Variants in SIRT3 observed in about 807,000 individuals in gnomAD.
SIRT3 encodes sirtuin 3, also known as NAD-dependent protein deacetylase sirtuin-3, mitochondrial.
A neutral mutation model predicts 33.5 loss-of-function variants in SIRT3; 26 were observed. The ratio of observed to expected loss-of-function variants is 0.78; its 90% CI spans 0.57 to 1.08. The LOEUF (loss-of-function observed/expected upper bound fraction) is 1.08, where lower values mean the gene tolerates loss of function less well. SIRT3 is among the 50% of genes least tolerant of loss of function. SIRT3 has a pLI of 0.00. For synonymous variants in SIRT3, 237 were observed against 222.1 expected, an observed-to-expected ratio of 1.07 and a Z score of -0.60; for missense variants, 585 against 530.1, an observed-to-expected ratio of 1.10 and a Z score of -1.02.
rs79136100 is a variant in SIRT3 at position 219,078 on chromosome 11, A to G, written c.970-37T>C. 1.3e-3 allele frequency: 2,037 copies of G among 1,571,088 alleles called. 29 individuals are homozygous for G. The African/African-American group carries it at 0.025, about 19-fold the overall frequency. On this transcript the variant is annotated intron_variant, in intron 5 of 6. Transcript: ENST00000382743. ...GCCAAACGTGAGGGGCACAGTGTCCACTTTACAAGCTCCTCAGGATGTTTC... is the reference window on the plus strand; with the variant it reads ...GCCAAACGTGAGGGGCACAGTGTCCGCTTTACAAGCTCCTCAGGATGTTTC...
At position 218,844 on chromosome 11, in the gene SIRT3, C is replaced by T; in HGVS notation, c.1167G>A (p.Arg389=). The change falls in exon 6 of 7, where the codon CGG becomes CGA. Residue 389 remains arginine (R), a synonymous_variant. Coordinates refer to ENST00000382743, the MANE Select transcript of SIRT3 (RefSeq NM_012239.6). ...CAGCAGTCTGTACCTTCCCAGTTTCCCGCTGCACAAGGTCCCGCATCTCTT... is the reference window on the plus strand; with the variant it reads ...CAGCAGTCTGTACCTTCCCAGTTTCTCGCTGCACAAGGTCCCGCATCTCTT... The part of the protein sequence containing the change: ...WTEEMRDLVQ[R]ETGKLDGPDK 6.2e-7 allele frequency: 1 copy of T among 1,614,164 alleles called. No individual in the cohort carries two copies. The highest frequency in any genetic ancestry group is 8.5e-7 in the Non-Finnish European group (1 of 1,180,020).
At chr11:221,870 T>C (rs1856487902) in intron 5 of SIRT3, among the ~76,000 whole-genome samples, 1 of 152,178 alleles carries the variant, frequency 6.6e-6, no homozygotes, top group Non-Finnish European at 1.5e-5. Flanking sequence ...AGTTTAAAAT[T>C]ACCATCTGTA....
At chr11:217,827 C>G (rs1417174716) in intron 6 of SIRT3, among the ~76,000 whole-genome samples, 1 of 152,224 alleles carries the variant, frequency 6.6e-6, no homozygotes, top group Non-Finnish European at 1.5e-5. Context: ...TGTGTCCCCA[C>G]CCAAATCTCA....
Position 236,106 on chromosome 11 carries a change from C to G in SIRT3, c.223G>C (p.Val75Leu). 1 of 1,580,354 alleles carries G rather than the reference C, an allele frequency of 6.3e-7. No homozygotes were observed. The highest frequency in any genetic ancestry group is 8.6e-7 in the Non-Finnish European group (1 of 1,164,154). The change falls in exon 1 of 7, where the codon GTG becomes CTG. Residue 75 changes from valine (V) to leucine (L), a missense_variant. Transcript: ENST00000382743. ...GGCTGCCTCCGGAATGCCCTGGGCA[C>G]CTCGGGTCTGGGAGGCCTCTGCAAG... ...RPLQRPPRPE[V>L]PRAFRRQPRA...
rs147582800 is a variant in SIRT3, at chr11:219,011, C to A, written c.1000G>T (p.Val334Leu). Residue 334 changes from valine (V) to leucine (L), a missense_variant, in exon 6 of 7, where the codon GTG becomes TTG. Transcript: ENST00000382743. ...VEPFASLTEA[V>L]RSSVPRLLIN... ...AGCAGTCGGGGAACTGAGCTCCGCA[C>A]GGCCTCGGTCAAGCTGGCAAAAGGC... 1 of 1,613,878 alleles carries A rather than the reference C, an allele frequency of 6.2e-7. No homozygotes were observed. The highest frequency in any genetic ancestry group is 1.7e-5 in the Admixed American group (1 of 60,006).
chr11:218,828 G>A lies in SIRT3; in HGVS notation c.1179+4C>T, dbSNP rs765448828. 6.2e-7 allele frequency: 1 copy of A among 1,614,164 alleles called. No individual in the cohort carries two copies. Among genetic ancestry groups the A allele is most frequent in the South Asian group, 1.1e-5 (1 of 91,076 alleles). On this transcript the variant is annotated splice_donor_region_variant and intron_variant, in intron 6 of 6. Transcript: ENST00000382743. Reference sequence around the variant, plus strand: ...CTTGGATGGTCCTCCTCAGCAGTCTGTACCTTCCCAGTTTCCCGCTGCACA... The same window carrying A: ...CTTGGATGGTCCTCCTCAGCAGTCTATACCTTCCCAGTTTCCCGCTGCACA...
intron 1 of SIRT3, among the ~76,000 whole-genome samples, chr11:235,508 CT>C (rs1408241866): frequency 6.6e-6 from 1 of 152,228 alleles, no homozygotes; most frequent in Non-Finnish European, 1.5e-5. Flanking sequence ...TCGAGACTCA[CT>C]TTTCACCAAC....
chr11:230,517 G>A lies in SIRT3; in HGVS notation c.742C>T (p.His248Tyr), dbSNP rs201248423. 6.5e-7 allele frequency: 1 copy of A among 1,539,582 alleles called. No homozygotes were observed. The highest frequency in any genetic ancestry group is 8.7e-7 in the Non-Finnish European group (1 of 1,143,138). Residue 248 changes from histidine to tyrosine, a missense_variant, in exon 4 of 7, where the codon CAT becomes TAT. His to Tyr is a moderately conservative substitution (Grantham distance 83). Transcript: ENST00000382743. ...GIPASKLVEA[H>Y]GTFASATCTV... ...CAGGTGGCAGAGGCAAAGGTTCCATGAGCTTCAACCAGCTTTGAGGCAGGG... is the reference window on the plus strand; with the variant it reads ...CAGGTGGCAGAGGCAAAGGTTCCATAAGCTTCAACCAGCTTTGAGGCAGGG...
intron 3 of SIRT3, chr11:230,810 CA>C (rs1857850122): frequency 6.3e-6 from 2 of 317,002 alleles, no homozygotes; most frequent in African/African-American, 4.3e-5. Context: ...TACGAAAAAC[CA>C]TTTGATAAAA....
intron 4 of SIRT3, among the ~76,000 whole-genome samples, chr11:230,168 G>A (rs1047524557): frequency 2.8e-5 from 4 of 140,396 alleles, no homozygotes; most frequent in Non-Finnish European, 6.1e-5. Flanking sequence ...AGCCGAGATC[G>A]CCCACTGCAC....
chr11:225,015 A>AG (rs755247721), intron 4 of SIRT3, among the ~76,000 whole-genome samples: 14 of 152,220 alleles, frequency 9.2e-5, no homozygotes, highest in Admixed American at 2.0e-4. Context: ...GATACACAGT[A>AG]AAACTGTATT....
chr11:216,428 G>C lies in SIRT3; in HGVS notation c.*270C>G. ...AGTCAGAAGAAAGCTTTTTCCATTA[G>C]GAGCTTCAGCAGAGTGAAGAGTTCA... On this transcript the variant is annotated 3_prime_UTR_variant, in exon 7 of 7. Coordinates refer to ENST00000382743, the MANE Select transcript of SIRT3 (RefSeq NM_012239.6). 2.2e-6 allele frequency: 1 copy of C among 462,844 alleles called. No individual in the cohort carries two copies. Among genetic ancestry groups the C allele is most frequent in the Non-Finnish European group, 3.9e-6 (1 of 259,608 alleles). The allele number at this position is 462,844 out of a possible 1,614,324, so 28.7% of individuals were successfully genotyped here.
At chr11:228,860 T>G (rs547495360) in intron 4 of SIRT3, among the ~76,000 whole-genome samples, 2 of 152,280 alleles carry the variant, frequency 1.3e-5, no homozygotes, top group South Asian at 4.1e-4. Context: ...GCTTCCAGAA[T>G]ATATAAAGGA....
intron 4 of SIRT3, among the ~76,000 whole-genome samples, chr11:227,907 C>T (rs771797975): frequency 4.6e-5 from 7 of 152,204 alleles, no homozygotes; most frequent in Admixed American, 2.0e-4. Context: ...CAGGCGTGAG[C>T]CACTGTGCCC....
intron 3 of SIRT3, among the ~76,000 whole-genome samples, chr11:232,658 AAG>A (rs1188879361): frequency 6.6e-6 from 1 of 152,126 alleles, no homozygotes; most frequent in African/African-American, 2.4e-5. Context: ...CACTTCTTAA[AAG>A]AGAGAAGAAA....
rs545874720 is a variant in SIRT3, at chr11:234,765, G to A, written c.282-1231C>T. Among the ~76,000 whole-genome samples, 116 of 151,912 alleles carry A rather than the reference G, an allele frequency of 7.6e-4. 1 individual carries two copies. The South Asian group carries it at 0.012, about 16-fold the overall frequency. ...CAGAGTATCACAGATATTAGAATGC[G>A]CTCCACGTGTTTGTAGGTCCTGGTC... is the stretch of plus-strand genomic sequence containing the variant. On this transcript the variant is annotated intron_variant, in intron 1 of 6. Coordinates refer to ENST00000382743, the MANE Select transcript of SIRT3 (RefSeq NM_012239.6).
chr11:225,256 C>T (rs10902108), intron 4 of SIRT3, among the ~76,000 whole-genome samples: 30,550 of 151,850 alleles, frequency 0.2, 3,276 homozygotes, highest in South Asian at 0.45. Context: ...TACTAAAACA[C>T]AAAAAATTAG....
chr11:216,378 G>A lies in SIRT3; in HGVS notation c.*320C>T. The A allele has an allele frequency of 3.1e-6, 1 of 321,574 alleles. No homozygotes were observed. Among genetic ancestry groups the A allele is most frequent in the South Asian group, 6.0e-5 (1 of 16,666 alleles). The allele number at this position is 321,574 out of a possible 1,614,324, so 19.9% of individuals were successfully genotyped here. ...CAGACTCGGTCTGGGATTCCAGTTGGTCTGATTCAGTTCAAGAGGGTCACA... is the reference window on the plus strand; with the variant it reads ...CAGACTCGGTCTGGGATTCCAGTTGATCTGATTCAGTTCAAGAGGGTCACA... On this transcript the variant is annotated 3_prime_UTR_variant, in exon 7 of 7. Coordinates refer to ENST00000382743, the MANE Select transcript of SIRT3 (RefSeq NM_012239.6).
chr11:219,152 G>A (rs1856066755), intron 5 of SIRT3, 111 bp from the exon 6 acceptor site: 3 of 1,352,664 alleles, frequency 2.2e-6, no homozygotes, highest in Non-Finnish European at 2.0e-6. Context: ...GGCAGTCAGA[G>A]CCTGCGATAT....
Sources: gnomAD v4.1 joint callset for allele counts (sites outside exome capture counted in the v4.1 genomes callset) on GRCh38, gnomAD v4.1.1 for gene constraint, MANE v1.5 for transcripts, NCBI Gene and HGNC (gene_info 2026-07-23, HGNC 2026-07-21) for gene names.